Variants in ZNF765 observed in about 807,000 individuals in gnomAD.
The protein encoded by ZNF765 is zinc finger protein 765.
ZNF765 carries 37 observed loss-of-function variants against 44.7 expected under a neutral mutation model. That is an observed-to-expected ratio of 0.83 (90% CI 0.64 to 1.09). The LOEUF (loss-of-function observed/expected upper bound fraction) is 1.09. Among genes scored for constraint, ZNF765 ranks in the 50% least tolerant of loss-of-function variants. The pLI is 0.00. For missense variants in ZNF765, 594 were observed against 626.1 expected (o/e 0.95, Z 0.55); for synonymous variants, 201 against 213.7 (o/e 0.94, Z 0.52).
chr19:53,416,528 A>C (rs1481252056), downstream of ZNF765, among the ~76,000 whole-genome samples: 2 of 152,204 alleles, frequency 1.3e-5, no homozygotes, highest in Non-Finnish European at 2.9e-5. Context: ...TGCCTACAAC[A>C]TTATAGGACC....
intron 2 of ZNF765, among the ~76,000 whole-genome samples, chr19:53,401,576 TAA>T (rs112431223): frequency 0.18 from 27,043 of 149,140 alleles, 2,805 homozygotes; most frequent in East Asian, 0.34. Context: ...AAAATAAAAA[TAA>T]AAAAAAAAAC....
chr19:53,398,003 A>G lies in ZNF765; in HGVS notation c.-13A>G, dbSNP rs1407094215. ...AAACCTGGAAGAGGAAGAGGAAAGC[A>G]AAGGAGTCAGGGATGGCTCTTCCTC... On this transcript the variant is annotated 5_prime_UTR_variant, in exon 2 of 4. Transcript: ENST00000396408. 1.6e-5 allele frequency: 26 copies of G among 1,613,384 alleles called. No homozygotes were observed. The highest frequency in any genetic ancestry group is 2.2e-5 in the Non-Finnish European group (26 of 1,179,958).
downstream of ZNF765, among the ~76,000 whole-genome samples, chr19:53,412,737 T>C (rs1233193035): frequency 6.6e-6 from 1 of 152,080 alleles, no homozygotes; most frequent in African/African-American, 2.4e-5. Context: ...GCCAGGCTGG[T>C]CTTGAACTCG....
At chr19:53,399,668 A>ACTT (rs2085703967) in intron 2 of ZNF765, among the ~76,000 whole-genome samples, 3 of 151,578 alleles carry the variant, frequency 2.0e-5, no homozygotes, top group Admixed American at 6.6e-5. Flanking sequence ...GCACAGATCA[A>ACTT]GACTCCATCT....
At chr19:53,403,772 G>A (rs1447663678) in intron 3 of ZNF765, among the ~76,000 whole-genome samples, 2 of 151,998 alleles carry the variant, frequency 1.3e-5, no homozygotes, top group Admixed American at 6.6e-5. Context: ...AACCCTGGAG[G>A]TGGAGGTTGA....
At chr19:53,418,050 C>T (rs1184622867) in intron 3 of ZNF765, among the ~76,000 whole-genome samples, 2 of 152,118 alleles carry the variant, frequency 1.3e-5, no homozygotes, top group African/African-American at 2.4e-5. Flanking sequence ...AGATGCTACC[C>T]GCGAATTAGT....
In ZNF765 at chr19:53,400,355, A is replaced by G. The variant is rs1324006152; in HGVS notation, c.16-1710A>G. On this transcript the variant is annotated intron_variant, in intron 2 of 3. Coordinates refer to ENST00000396408, the MANE Select transcript of ZNF765 (RefSeq NM_001040185.3). Reference sequence around the variant, plus strand: ...AACTTTTCCCTGTATAAAGAGTGCCATAGTGGCTGCCTCTGTGCACACCCG... The same window carrying G: ...AACTTTTCCCTGTATAAAGAGTGCCGTAGTGGCTGCCTCTGTGCACACCCG... Among the ~76,000 whole-genome samples, 4 of 152,306 alleles carry G rather than the reference A, an allele frequency of 2.6e-5. No individual in the cohort carries two copies. In the South Asian group the frequency reaches 6.2e-4, roughly 24 times the overall value.
At chr19:53,401,882 A>T (rs2147091259) in intron 2 of ZNF765, 183 bp from the exon 3 acceptor site, 1 of 1,527,510 alleles carries the variant, frequency 6.5e-7, no homozygotes, top group Admixed American at 1.7e-5. Flanking sequence ...CCTTTAAAAA[A>T]AAAAAAAAGA....
At chr19:53,404,573 C>T (rs2085757772) in intron 3 of ZNF765, among the ~76,000 whole-genome samples, 1 of 151,938 alleles carries the variant, frequency 6.6e-6, no homozygotes, top group African/African-American at 2.4e-5. Context: ...CTGCTTCAGT[C>T]TCCCAAGTAG....
At chr19:53,405,951 A>ATATATATATATATAT (rs1555832244) in intron 3 of ZNF765, among the ~76,000 whole-genome samples, 39 of 118,334 alleles carry the variant, frequency 3.3e-4, no homozygotes, top group Non-Finnish European at 4.0e-4. Flanking sequence ...ATATATATAT[A>ATATATATATATATAT]AAATTGCTGT....
intron 2 of ZNF765, 111 bp downstream of exon 2, chr19:53,398,141 G>A (rs2085688912): frequency 1.2e-5 from 19 of 1,575,092 alleles, no homozygotes; most frequent in East Asian, 2.2e-5. Context: ...AGGTTTGCTC[G>A]CACTCACCCA....
At chr19:53,400,615 A>G (rs1159405306) in intron 2 of ZNF765, among the ~76,000 whole-genome samples, 2 of 152,030 alleles carry the variant, frequency 1.3e-5, no homozygotes, top group Admixed American at 1.3e-4. Flanking sequence ...CAATATACAC[A>G]TACACATATA....
exon 4 of ZNF765, chr19:53,425,632 T>A (rs2085934810): frequency 6.6e-6 from 1 of 152,210 alleles, no homozygotes; most frequent in Non-Finnish European, 1.5e-5. Context: ...TTACTCCTGT[T>A]GCATGCAAGG....
At chr19:53,420,274 G>A (rs2085899505) in intron 3 of ZNF765, among the ~76,000 whole-genome samples, 1 of 152,122 alleles carries the variant, frequency 6.6e-6, no homozygotes, top group African/African-American at 2.4e-5. Flanking sequence ...AGAAGTTGCG[G>A]TGAGCCAAGA....
At chr19:53,425,281 TAGA>T (rs752909259) in exon 4 of ZNF765, 1 of 150,252 alleles carries the variant, frequency 6.7e-6, no homozygotes, top group African/African-American at 2.5e-5. Context: ...GGAATCAGCT[TAGA>T]AGTTTTTGGG....
At chr19:53,398,831 C>T (rs1293380007) in intron 2 of ZNF765, among the ~76,000 whole-genome samples, 1 of 152,104 alleles carries the variant, frequency 6.6e-6, no homozygotes, top group Non-Finnish European at 1.5e-5. Flanking sequence ...CTCACAGCAA[C>T]CTCCACCTTC....
chr19:53,401,790 C>T (rs1352161079), intron 2 of ZNF765: 28 of 691,334 alleles, frequency 4.1e-5, no homozygotes, highest in Non-Finnish European at 5.4e-5. Context: ...GCAGGAGAAT[C>T]GTTTGATCCT....
intron 3 of ZNF765, among the ~76,000 whole-genome samples, chr19:53,418,842 T>C (rs1600066989): frequency 6.8e-6 from 1 of 146,276 alleles, no homozygotes; most frequent in Admixed American, 7.1e-5. Context: ...GGGGCGGAGG[T>C]TGCTGTGAGC....
chr19:53,405,973 G>GT (rs1353765052), intron 3 of ZNF765, among the ~76,000 whole-genome samples: 5 of 117,426 alleles, frequency 4.3e-5, no homozygotes, highest in African/African-American at 1.6e-4. Flanking sequence ...TTGCCTGGCT[G>GT]TTTCATAAAT....
Sources: gnomAD v4.1 joint callset for allele counts (sites outside exome capture counted in the v4.1 genomes callset) on GRCh38, gnomAD v4.1.1 for gene constraint, MANE v1.5 for transcripts, NCBI Gene and HGNC (gene_info 2026-07-23, HGNC 2026-07-21) for gene names.